RYR3: variants seen among roughly 807,000 people sequenced by gnomAD.
RYR3 encodes brain ryanodine receptor-calcium release channel.
RYR3 carries 207 observed loss-of-function variants against 584.3 expected under a neutral mutation model. The observed-to-expected ratio is 0.35, with a 90% CI of 0.32 to 0.40. RYR3 has a LOEUF of 0.40. RYR3 is among the 10% of genes least tolerant of loss of function. The probability of loss-of-function intolerance (pLI) is 1.00; values close to 1 mark genes in which losing one functional copy is unlikely to be tolerated. For synonymous variants in RYR3, 2,416 were observed against 2,248.5 expected (o/e 1.07, Z -2.11); for missense variants, 5,616 against 6,089.2 (o/e 0.92, Z 2.59).
chr15:33,848,866 C>G (rs927122961), intron 94 of RYR3, among the ~76,000 whole-genome samples: 5 of 122,476 alleles, frequency 4.1e-5, no homozygotes, highest in South Asian at 2.8e-4. Context: ...GACAGAGTCT[C>G]CCTTTGTTGC....
At position 33,866,065 on chromosome 15, in the gene RYR3, A is replaced by AAG. The variant is rs1349831627; in HGVS notation, c.*839_*840insAG. 1.3e-5 allele frequency: 2 copies of AAG among 154,826 alleles called. No homozygotes were observed. The highest frequency in any genetic ancestry group is 4.0e-4 in the South Asian group (2 of 5,008). 9.6% of individuals were successfully genotyped at this position (154,826 alleles called of 1,614,324 possible). ...GTTTAGGTGAATCTCCTCAAATACA[A>AAG]TGAAGTGCCCACTGCAATAAAGTAA... On this transcript the variant is annotated 3_prime_UTR_variant, in exon 104 of 104. Transcript: ENST00000634891.
Position 33,503,698 on chromosome 15 carries a change from A to C in RYR3, c.239A>C (p.Gln80Pro), listed in dbSNP as rs2052208073. Residue 80 changes from glutamine to proline, a missense_variant, in exon 3 of 104, where the codon CAG (glutamine) becomes CCG (proline). Transcript: ENST00000634891. Reference protein sequence around the residue: ...LEQSLSVRALQEMLANTGENG... With the variant: ...LEQSLSVRALPEMLANTGENG... ...CAGTCCCTATCTGTCAGAGCCCTGC[A>C]GGAAATGCTTGCCAACACAGGTGAA... The C allele has an allele frequency of 1.9e-6, 3 of 1,612,974 alleles. No individual in the cohort carries two copies.
chr15:33,516,057 AAAAC>A (rs1179507554), intron 3 of RYR3, among the ~76,000 whole-genome samples: 1 of 152,182 alleles, frequency 6.6e-6, no homozygotes, highest in Non-Finnish European at 1.5e-5. Context: ...TTCTAACAAA[AAAAC>A]CTTTATTATG....
At chr15:33,447,017 C>A (rs2141934948) in intron 1 of RYR3, among the ~76,000 whole-genome samples, 1 of 152,330 alleles carries the variant, frequency 6.6e-6, no homozygotes, top group East Asian at 1.9e-4. Flanking sequence ...TCACCCTGCA[C>A]CACAGTTCTT....
At chr15:33,717,881 G>A (rs2067618954) in intron 43 of RYR3, among the ~76,000 whole-genome samples, 2 of 152,066 alleles carry the variant, frequency 1.3e-5, no homozygotes, top group South Asian at 2.1e-4. Context: ...TAATAAATGG[G>A]CAAACAATTC....
intron 48 of RYR3, among the ~76,000 whole-genome samples, chr15:33,733,004 G>A (rs568782210): frequency 1.3e-5 from 2 of 152,222 alleles, no homozygotes; most frequent in Non-Finnish European, 2.9e-5. Context: ...TCACATCGAT[G>A]TGAGTAGAAC....
chr15:33,742,301 C>CTA, intron 51 of RYR3, 65 bp from the exon 52 acceptor site: 1 of 1,010,874 alleles, frequency 9.9e-7, no homozygotes. Flanking sequence ...GTAGTTCTGA[C>CTA]TATCTTCTAC....
At chr15:33,761,604 A>G (rs1450407790) in intron 60 of RYR3, among the ~76,000 whole-genome samples, 1 of 151,258 alleles carries the variant, frequency 6.6e-6, no homozygotes, top group African/African-American at 2.5e-5. Flanking sequence ...AAATTGAGGC[A>G]GTAACTAATA....
At chr15:33,387,769 A>G (rs2041718749) in intron 1 of RYR3, among the ~76,000 whole-genome samples, 1 of 152,182 alleles carries the variant, frequency 6.6e-6, no homozygotes, top group Non-Finnish European at 1.5e-5. Context: ...AAAAAAAGGA[A>G]CAAAGAACAA....
intron 66 of RYR3, among the ~76,000 whole-genome samples, chr15:33,786,467 G>A (rs2074718696): frequency 6.6e-6 from 1 of 150,970 alleles, no homozygotes; most frequent in Admixed American, 6.6e-5. Flanking sequence ...GCTCACGGTA[G>A]TGGCACTTTG....
intron 7 of RYR3, among the ~76,000 whole-genome samples, chr15:33,542,339 C>CA (rs1567492265): frequency 6.6e-6 from 1 of 152,200 alleles, no homozygotes; most frequent in Non-Finnish European, 1.5e-5. Context: ...GGATAAACTC[C>CA]AAATAGGGCA....
intron 1 of RYR3, among the ~76,000 whole-genome samples, chr15:33,428,042 T>C (rs942334273): frequency 3.3e-5 from 5 of 152,244 alleles, no homozygotes; most frequent in African/African-American, 1.2e-4. Context: ...AGATATAACA[T>C]GGTGCCATGC....
chr15:33,707,015 C>A lies in RYR3; in HGVS notation c.6580C>A (p.Arg2194Ser). Residue 2194 changes from arginine (R) to serine (S), a missense_variant, in exon 43 of 104, where the codon CGC becomes AGC. This residue lies in a region of RYR3 where 1,280 missense variants were observed against 1,426.2 expected (regional missense o/e 0.90). Coordinates refer to ENST00000634891, the MANE Select transcript of RYR3 (RefSeq NM_001036.6). The part of the protein sequence containing the change: ...DVGWNPIEGE[R>S]YLSFLRFAVF... ...CGGCTGGAACCCCATTGAAGGGGAA[C>A]GCTACCTGTCCTTCCTGAGGTTTGC... is the stretch of plus-strand genomic sequence containing the variant. The A allele has an allele frequency of 6.2e-7, 1 of 1,613,990 alleles. No individual in the cohort carries two copies. Among genetic ancestry groups the A allele is most frequent in the Non-Finnish European group, 8.5e-7 (1 of 1,179,926 alleles).
chr15:33,685,963 A>G (rs2064979338), intron 38 of RYR3, among the ~76,000 whole-genome samples: 1 of 152,228 alleles, frequency 6.6e-6, no homozygotes, highest in Non-Finnish European at 1.5e-5. Context: ...GGAAATTTAT[A>G]GCACTAAATG....
chr15:33,739,952 G>T lies in RYR3; in HGVS notation c.7777G>T (p.Asp2593Tyr), dbSNP rs749911112. Residue 2593 changes from aspartate to tyrosine, a missense_variant, in exon 51 of 104, where the codon GAT (aspartate) becomes TAT (tyrosine). This residue lies in a region of RYR3 where 1,280 missense variants were observed against 1,426.2 expected (regional missense o/e 0.90). Coordinates refer to ENST00000634891, the MANE Select transcript of RYR3 (RefSeq NM_001036.6). ...CACGTTGGAGAAACAGATCTCAGTG[G>T]ATGCGGATGGCAACTTTGACCCAAA... ...TATLEKQISV[D>Y]ADGNFDPKPI... 5 of 1,613,774 alleles carry T rather than the reference G, an allele frequency of 3.1e-6. No homozygotes were observed. Among genetic ancestry groups the T allele is most frequent in the Non-Finnish European group, 4.2e-6 (5 of 1,179,868 alleles).
chr15:33,505,510 G>C (rs1312083948), intron 3 of RYR3, among the ~76,000 whole-genome samples: 1 of 152,164 alleles, frequency 6.6e-6, no homozygotes, highest in Non-Finnish European at 1.5e-5. Context: ...TGTTGTTGTT[G>C]AGACGGAGTC....
rs187172579 is a variant in RYR3 at position 33,641,242 on chromosome 15, C to T, written c.3557-3069C>T. Among the ~76,000 whole-genome samples, 9 of 152,370 alleles carry T rather than the reference C, an allele frequency of 5.9e-5. No individual in the cohort carries two copies. In the East Asian group the frequency reaches 1.7e-3, roughly 29 times the overall value. ...CCGTTGCTTGCTGTGGACTCCTGCT[C>T]AGGCAGCTTTGTTCACATGCTGACT... On this transcript the variant is annotated intron_variant, in intron 27 of 103. Coordinates refer to ENST00000634891, the MANE Select transcript of RYR3 (RefSeq NM_001036.6).
At chr15:33,316,040 C>T (rs556658321) in intron 1 of RYR3, among the ~76,000 whole-genome samples, 90 of 152,034 alleles carry the variant, frequency 5.9e-4, no homozygotes, top group African/African-American at 2.1e-3. Flanking sequence ...TGTTAAATAA[C>T]ATATTTCACA....
chr15:33,835,317 C>CTTT (rs10686859), intron 87 of RYR3, among the ~76,000 whole-genome samples: 152,264 of 152,278 alleles, frequency 1, 76,125 homozygotes, highest in Non-Finnish European at 1. Flanking sequence ...CCAACCTACC[C>CTTT]TTATTATTGC....
Sources: allele counts gnomAD v4.1 joint callset (sites outside exome capture counted in the v4.1 genomes callset), GRCh38; gene constraint gnomAD v4.1.1; regional missense constraint gnomAD v4.1.1; transcripts MANE v1.5; gene names NCBI Gene and HGNC (gene_info 2026-07-23, HGNC 2026-07-21).